AMZ2: variants seen among roughly 807,000 people sequenced by gnomAD.
AMZ2 encodes archaemetzincin-2.
Under a neutral mutation model 36.7 loss-of-function variants are expected in AMZ2, and 26 were observed. That is an observed-to-expected ratio of 0.71 (90% CI 0.52 to 0.98). AMZ2 has a LOEUF of 0.98. Ranked by LOEUF, AMZ2 falls within the 50% of genes least tolerant of loss-of-function variation. The pLI, the probability that AMZ2 is intolerant of heterozygous loss-of-function variation, is 0.00. For synonymous variants in AMZ2, 144 were observed against 149.1 expected (o/e 0.97, Z 0.25); for missense variants, 394 against 430.5 (o/e 0.92, Z 0.75).
At chr17:68,225,895 AT>A (rs1468842763) in intron 1 of AMZ2, among the ~76,000 whole-genome samples, 1 of 152,120 alleles carries the variant, frequency 6.6e-6, no homozygotes, top group Non-Finnish European at 1.5e-5. Flanking sequence ...AAGTGCTGGG[AT>A]TATAGCATGA....
At chr17:68,248,977 C>T in intron 1 of AMZ2, 1 of 826,294 alleles carries the variant, frequency 1.2e-6, no homozygotes, top group Non-Finnish European at 1.6e-6. Context: ...ATGATCCAGA[C>T]AGAGATGTTC....
Position 68,220,507 on chromosome 17 carries a change from A to G in AMZ2, c.-67+14269A>G, listed in dbSNP as rs115199615. Among the ~76,000 whole-genome samples the G allele has an allele frequency of 4.7e-3, 721 of 151,924 alleles. 10 individuals carry two copies. Among genetic ancestry groups the G allele is most frequent in the African/African-American group, 0.017 (684 of 41,206 alleles). ...CTTGATGGGTATATACCCATCAAGTATAAGTGCTCAAAAAATGTTTGTAGA... is the reference window on the plus strand; with the variant it reads ...CTTGATGGGTATATACCCATCAAGTGTAAGTGCTCAAAAAATGTTTGTAGA... On this transcript the variant is annotated intron_variant, in intron 1 of 7. Coordinates refer to the AMZ2 transcript ENST00000674770.
chr17:68,255,451 C>G (rs1452171644), intron 5 of AMZ2, among the ~76,000 whole-genome samples: 2 of 152,132 alleles, frequency 1.3e-5, no homozygotes, highest in Admixed American at 1.3e-4. Context: ...GGACAGCCTC[C>G]CACAACCTGG....
rs541435324 is a variant in AMZ2 at position 68,226,906 on chromosome 17, G to A, written c.-67+20668G>A. 4.1e-5 allele frequency among the ~76,000 whole-genome samples: 6 copies of A among 147,500 alleles called. No homozygotes were observed. The South Asian group carries it at 8.6e-4, about 21-fold the overall frequency. Reference sequence around the variant, plus strand: ...ACTTGGAGCAAGCTGCCACTTCCTAGGGTCCCAGTTTGCTGCCCTGTGGCA... The same window carrying A: ...ACTTGGAGCAAGCTGCCACTTCCTAAGGTCCCAGTTTGCTGCCCTGTGGCA... On this transcript the variant is annotated intron_variant, in intron 1 of 7. Coordinates refer to the AMZ2 transcript ENST00000674770.
At chr17:68,247,885 G>A (rs2074104191), upstream of AMZ2, 1 of 985,416 alleles carries the variant, frequency 1.0e-6, no homozygotes, top group African/African-American at 1.7e-5. Flanking sequence ...GGCGGGTCGC[G>A]GCCGCTGAAC....
upstream of AMZ2, chr17:68,247,362 C>CAAAAAA (rs2074071270): frequency 7.8e-6 from 1 of 128,354 alleles, no homozygotes; most frequent in African/African-American, 3.1e-5. Flanking sequence ...AAAAAAAAAG[C>CAAAAAA]AAGAAAAAGA....
intron 1 of AMZ2, among the ~76,000 whole-genome samples, chr17:68,241,933 C>T (rs1174666946): frequency 3.4e-5 from 5 of 145,622 alleles, no homozygotes; most frequent in Admixed American, 7.0e-5. Flanking sequence ...GTAGCAGAGA[C>T]GAGGGTTCGC....
intron 1 of AMZ2, among the ~76,000 whole-genome samples, chr17:68,231,371 G>A (rs1350070733): frequency 6.6e-6 from 1 of 151,446 alleles, no homozygotes; most frequent in Non-Finnish European, 1.5e-5. Flanking sequence ...GTGCCCAGGG[G>A]CTTGTGTTTG....
At chr17:68,241,318 G>T (rs1260756365) in intron 1 of AMZ2, among the ~76,000 whole-genome samples, 1 of 152,142 alleles carries the variant, frequency 6.6e-6, no homozygotes, top group Non-Finnish European at 1.5e-5. Flanking sequence ...AAGAACGAAA[G>T]CATGGTCATG....
upstream of AMZ2, among the ~76,000 whole-genome samples, chr17:68,245,377 A>G (rs1263469734): frequency 2.0e-5 from 3 of 149,988 alleles, no homozygotes; most frequent in African/African-American, 7.3e-5. Context: ...AGCTGAGACT[A>G]CAGGCATGTG....
chr17:68,209,633 T>TATATA (rs1555725395), intron 1 of AMZ2, among the ~76,000 whole-genome samples: 27 of 78,838 alleles, frequency 3.4e-4, no homozygotes, highest in African/African-American at 7.4e-4. Flanking sequence ...TATATATATA[T>TATATA]TTTTTTTTTT....
At chr17:68,237,318 G>A (rs1446410500) in intron 1 of AMZ2, among the ~76,000 whole-genome samples, 3 of 150,468 alleles carry the variant, frequency 2.0e-5, no homozygotes, top group East Asian at 1.9e-4. Context: ...AAAGGACCAG[G>A]CATGGTTTTG....
intron 1 of AMZ2, chr17:68,207,313 A>AACCCCC (rs2072865347): frequency 1.8e-5 from 2 of 110,648 alleles, no homozygotes; most frequent in African/African-American, 3.4e-5. Flanking sequence ...TTTGTTAAAT[A>AACCCCC]CCCCCCCCCC....
At chr17:68,251,868 T>G (rs1555740015) in intron 4 of AMZ2, among the ~76,000 whole-genome samples, 1 of 152,246 alleles carries the variant, frequency 6.6e-6, no homozygotes, top group African/African-American at 2.4e-5. Flanking sequence ...AAGTGTATGC[T>G]TCTTTCTCAT....
At chr17:68,231,144 G>C (rs1555731144) in intron 1 of AMZ2, among the ~76,000 whole-genome samples, 1 of 151,790 alleles carries the variant, frequency 6.6e-6, no homozygotes, top group Non-Finnish European at 1.5e-5. Flanking sequence ...GCTCACTGCA[G>C]CCTGGACCTC....
rs142208738 is a variant in AMZ2 at position 68,211,225 on chromosome 17, G to A, written c.-67+4987G>A. 9.2e-3 allele frequency among the ~76,000 whole-genome samples: 1,395 copies of A among 152,112 alleles called. 3 individuals are homozygous for A. Among genetic ancestry groups the A allele is most frequent in the Non-Finnish European group, 0.016 (1,091 of 67,994 alleles). On this transcript the variant is annotated intron_variant, in intron 1 of 7. Transcript: ENST00000674770. ...TGATGAAAATGTTCTGGAATTGGCC[G>A]GGCACGGTGGCTCACGCCTGTAATC...
chr17:68,219,554 T>C (rs1417913929), intron 1 of AMZ2, among the ~76,000 whole-genome samples: 9 of 152,070 alleles, frequency 5.9e-5, no homozygotes, highest in African/African-American at 2.2e-4. Context: ...TTTATTGAGA[T>C]AGGGTCTCAC....
chr17:68,243,738 A>G (rs570354039), upstream of AMZ2, among the ~76,000 whole-genome samples: 1 of 152,338 alleles, frequency 6.6e-6, no homozygotes, highest in East Asian at 1.9e-4. Context: ...ATCATTGGAC[A>G]TTATCATCAA....
At chr17:68,256,753 C>T in intron 6 of AMZ2, 61 bp from the exon 7 acceptor site, 1 of 1,564,504 alleles carries the variant, frequency 6.4e-7, no homozygotes, top group Non-Finnish European at 8.7e-7. Flanking sequence ...CAATGCTTCT[C>T]TCTTGCCTGA....
Sources: allele counts gnomAD v4.1 joint callset (sites outside exome capture counted in the v4.1 genomes callset), GRCh38; gene constraint gnomAD v4.1.1; transcripts MANE v1.5; gene names NCBI Gene and HGNC (gene_info 2026-07-23, HGNC 2026-07-21).